The following ADAMTSL3 variants were observed in gnomAD, a reference collection of about 807,000 sequenced individuals.
ADAMTSL3 encodes the protein ADAMTS like 3, also known as ADAMTS-like protein 3.
ADAMTSL3 carries 128 observed loss-of-function variants against 201.7 expected under a neutral mutation model. The observed-to-expected ratio is 0.63, with a 90% CI of 0.55 to 0.73. ADAMTSL3 has a LOEUF of 0.73. Among genes scored for constraint, ADAMTSL3 ranks in the 30% least tolerant of loss-of-function variants. The pLI, the probability that ADAMTSL3 is intolerant of heterozygous loss-of-function variation, is 0.00. For synonymous variants in ADAMTSL3, 738 were observed against 748.4 expected (o/e 0.99, Z 0.23); for missense variants, 1,990 against 2,119.6 (o/e 0.94, Z 1.20).
chr15:83,931,865 G>T (rs974425838), intron 17 of ADAMTSL3, among the ~76,000 whole-genome samples: 1 of 152,188 alleles, frequency 6.6e-6, no homozygotes, highest in Middle Eastern at 3.4e-3. Flanking sequence ...GATGATTTGG[G>T]GAAAGGGAAG....
chr15:83,974,406 CA>C (rs564794839), intron 20 of ADAMTSL3, among the ~76,000 whole-genome samples: 52 of 152,292 alleles, frequency 3.4e-4, no homozygotes, highest in Non-Finnish European at 7.4e-4. Context: ...TGCTTCGAAT[CA>C]ATGCCAGGCA....
In ADAMTSL3 at chr15:83,699,109, T is replaced by C. The variant is rs151065138; in HGVS notation, c.70-5280T>C. On this transcript the variant is annotated intron_variant, in intron 2 of 29. Coordinates refer to ENST00000286744, the MANE Select transcript of ADAMTSL3 (RefSeq NM_207517.3). Reference sequence around the variant, plus strand: ...TAATGGTTGTAAATATATGTAAATATACATACATACATACATACATTATGA... The same window carrying C: ...TAATGGTTGTAAATATATGTAAATACACATACATACATACATACATTATGA... 1.1e-3 allele frequency among the ~76,000 whole-genome samples: 173 copies of C among 152,118 alleles called. 1 individual carries two copies. The highest frequency in any genetic ancestry group is 2.2e-3 in the Admixed American group (33 of 15,276).
chr15:83,893,101 TTAA>T (rs1195439644), intron 13 of ADAMTSL3, among the ~76,000 whole-genome samples: 1 of 152,054 alleles, frequency 6.6e-6, no homozygotes, highest in African/African-American at 2.4e-5. Flanking sequence ...ATTAAGGACA[TTAA>T]TAATAATATT....
intron 19 of ADAMTSL3, 53 bp from the exon 20 acceptor site, chr15:83,970,431 T>G: frequency 6.2e-7 from 1 of 1,607,398 alleles, no homozygotes; most frequent in Non-Finnish European, 8.5e-7. Flanking sequence ...TGTTGTTGGC[T>G]GGGTCTGCCT....
At position 83,970,465 on chromosome 15, in the gene ADAMTSL3, T is replaced by C. The variant is rs557642153; in HGVS notation, c.2491-19T>C. The C allele has an allele frequency of 3.7e-6, 6 of 1,614,084 alleles. No individual in the cohort carries two copies. In the African/African-American group the frequency reaches 6.7e-5, roughly 18 times the overall value. The stretch of plus-strand genomic sequence containing the variant: ...CTGCTCATGCTCCATTTGACTCTGT[T>C]GCACAACTCTCATTTCAGTGTTCTG... On this transcript the variant is annotated intron_variant, in intron 19 of 29. Coordinates refer to ENST00000286744, the MANE Select transcript of ADAMTSL3 (RefSeq NM_207517.3).
rs189741367 is a variant in ADAMTSL3, at chr15:83,668,062, C to T, written c.69+12232C>T. Reference sequence around the variant, plus strand: ...TCTATTCATTTTCTGTCTCGTACCCCATGTCCTCTTTATGCTGCTCTTCAG... The same window carrying T: ...TCTATTCATTTTCTGTCTCGTACCCTATGTCCTCTTTATGCTGCTCTTCAG... On this transcript the variant is annotated intron_variant, in intron 2 of 29. Transcript: ENST00000286744. Among the ~76,000 whole-genome samples the T allele has an allele frequency of 3.9e-5, 6 of 152,162 alleles. No individual in the cohort carries two copies. In the East Asian group the frequency reaches 1.2e-3, roughly 30 times the overall value.
chr15:83,990,545 G>T (rs2067563783), intron 22 of ADAMTSL3, among the ~76,000 whole-genome samples: 1 of 152,092 alleles, frequency 6.6e-6, no homozygotes, highest in Non-Finnish European at 1.5e-5. Flanking sequence ...TTATTACGCT[G>T]GGCCCAATGA....
chr15:84,023,111 G>A (rs1437789510), intron 26 of ADAMTSL3, among the ~76,000 whole-genome samples: 1 of 152,058 alleles, frequency 6.6e-6, no homozygotes, highest in African/African-American at 2.4e-5. Flanking sequence ...AAATCCACAG[G>A]TATTTTGCTC....
At chr15:83,870,742 C>G (rs940079275) in intron 8 of ADAMTSL3, 60 bp from the exon 9 acceptor site, 2 of 1,391,840 alleles carry the variant, frequency 1.4e-6, no homozygotes, top group Non-Finnish European at 1.9e-6. Context: ...GCTAAAATGT[C>G]TTTTGTAATA....
At chr15:83,936,002 T>C (rs2066453727) in intron 17 of ADAMTSL3, among the ~76,000 whole-genome samples, 3 of 152,048 alleles carry the variant, frequency 2.0e-5, no homozygotes. Flanking sequence ...AAGACAATTT[T>C]AAAGAATGTA....
chr15:83,704,376 T>C lies in ADAMTSL3; in HGVS notation c.70-13T>C. On this transcript the variant is annotated splice_polypyrimidine_tract_variant and intron_variant, in intron 2 of 29. Coordinates refer to ENST00000286744, the MANE Select transcript of ADAMTSL3 (RefSeq NM_207517.3). ...TGGAGCCTTATTTGTGACCAAATGATCTTGTTTTTCAGACCACAGCTGAGA... is the reference window on the plus strand; with the variant it reads ...TGGAGCCTTATTTGTGACCAAATGACCTTGTTTTTCAGACCACAGCTGAGA... 6.2e-7 allele frequency: 1 copy of C among 1,614,140 alleles called. No homozygotes were observed. Among genetic ancestry groups the C allele is most frequent in the East Asian group, 2.2e-5 (1 of 44,886 alleles).
At chr15:83,892,136 A>AGAGGCTG (rs1388841765) in intron 12 of ADAMTSL3, among the ~76,000 whole-genome samples, 14 of 152,124 alleles carry the variant, frequency 9.2e-5, no homozygotes, top group Admixed American at 5.9e-4. Flanking sequence ...GAATAGCTTG[A>AGAGGCTG]ACCCAGGAGG....
At chr15:83,871,028 G>A in intron 9 of ADAMTSL3, 69 bp downstream of exon 9, 1 of 1,552,744 alleles carries the variant, frequency 6.4e-7, no homozygotes, top group Non-Finnish European at 8.7e-7. Context: ...AAAACAATGA[G>A]TTTGTTTAGC....
intron 3 of ADAMTSL3, among the ~76,000 whole-genome samples, chr15:83,752,333 G>T (rs912275719): frequency 6.6e-6 from 1 of 151,544 alleles, no homozygotes; most frequent in African/African-American, 2.4e-5. Context: ...ATTCTCTATG[G>T]TGATTTTGAA....
intron 7 of ADAMTSL3, among the ~76,000 whole-genome samples, chr15:83,851,505 G>T (rs1208866156): frequency 6.6e-6 from 1 of 152,150 alleles, no homozygotes; most frequent in African/African-American, 2.4e-5. Context: ...CATTCACAAA[G>T]ATTTTGCAAG....
At chr15:83,857,220 C>G (rs916035689) in intron 7 of ADAMTSL3, among the ~76,000 whole-genome samples, 1 of 151,942 alleles carries the variant, frequency 6.6e-6, no homozygotes, top group African/African-American at 2.4e-5. Context: ...AGATAATAAC[C>G]CCTTTCCAAG....
At chr15:83,870,059 G>T (rs1238156717) in intron 8 of ADAMTSL3, among the ~76,000 whole-genome samples, 1 of 152,074 alleles carries the variant, frequency 6.6e-6, no homozygotes, top group Non-Finnish European at 1.5e-5. Flanking sequence ...ATGTTTTTTT[G>T]TTTAAACTGT....
At chr15:83,748,846 TG>T (rs531176766) in intron 3 of ADAMTSL3, among the ~76,000 whole-genome samples, 321 of 152,200 alleles carry the variant, frequency 2.1e-3, no homozygotes, top group Non-Finnish European at 3.7e-3. Context: ...AGGAGTGGCC[TG>T]GGGAGTAGAC....
At chr15:83,734,291 G>A (rs2062334744) in intron 3 of ADAMTSL3, among the ~76,000 whole-genome samples, 1 of 152,158 alleles carries the variant, frequency 6.6e-6, no homozygotes, top group African/African-American at 2.4e-5. Flanking sequence ...CACAAAAATT[G>A]TAAGATTTTA....
Sources: gnomAD v4.1 joint callset for allele counts (sites outside exome capture counted in the v4.1 genomes callset) on GRCh38, gnomAD v4.1.1 for gene constraint, MANE v1.5 for transcripts, NCBI Gene and HGNC (gene_info 2026-07-23, HGNC 2026-07-21) for gene names.